Variants in IFT172 observed in about 807,000 individuals in gnomAD.
IFT172 encodes intraflagellar transport protein 172 homolog.
IFT172 carries 164 observed loss-of-function variants against 248.9 expected under a neutral mutation model. The ratio of observed to expected loss-of-function variants is 0.66; its 90% confidence interval spans 0.58 to 0.75. The LOEUF is 0.75. IFT172 is among the 30% of genes least tolerant of loss of function. IFT172 has a pLI of 0.00. For missense variants in IFT172, 1,950 were observed against 2,192.4 expected (o/e 0.89, Z 2.21); for synonymous variants, 729 against 791.6 (o/e 0.92, Z 1.33).
intron 35 of IFT172, among the ~76,000 whole-genome samples, chr2:27,450,361 C>A (rs558098418): frequency 6.6e-6 from 1 of 152,288 alleles, no homozygotes; most frequent in South Asian, 2.1e-4. Context: ...TTTGAAACTT[C>A]CGCCTTTGAC....
chr2:27,450,112 G>C lies in IFT172; in HGVS notation c.3952-16C>G. On this transcript the variant is annotated splice_polypyrimidine_tract_variant and intron_variant, in intron 35 of 47. Coordinates refer to ENST00000260570, the MANE Select transcript of IFT172 (RefSeq NM_015662.3). ...GTTCAGCTGCCTGAGTGGTTGAACA[G>C]AAGATGGAAATGGGTAGGAGAGACA... is the stretch of plus-strand genomic sequence containing the variant. The C allele has an allele frequency of 6.3e-7, 1 of 1,588,058 alleles. No individual in the cohort carries two copies. Among genetic ancestry groups the C allele is most frequent in the South Asian group, 1.1e-5 (1 of 90,482 alleles).
intron 39 of IFT172, 78 bp from the exon 40 acceptor site, chr2:27,449,109 A>T (rs2148476803): frequency 9.2e-7 from 1 of 1,092,000 alleles, no homozygotes; most frequent in Non-Finnish European, 1.4e-6. Context: ...GAGGCCATGT[A>T]TTTGTTGAGG....
At position 27,485,537 on chromosome 2, in the gene IFT172, T is replaced by C. The variant is rs759893271; in HGVS notation, c.40-34A>G. 4.3e-6 allele frequency: 7 copies of C among 1,612,424 alleles called. No individual in the cohort carries two copies. In the African/African-American group the frequency reaches 9.3e-5, roughly 22 times the overall value. ...GCAAAGGGGTAAAAACAAACCCATG[T>C]GCTGGTCTAGAATGCCAAAAGCATT... On this transcript the variant is annotated intron_variant, in intron 1 of 47. Coordinates refer to ENST00000260570, the MANE Select transcript of IFT172 (RefSeq NM_015662.3).
At chr2:27,483,545 T>G in intron 6 of IFT172, 35 bp downstream of exon 6, 2 of 1,606,564 alleles carry the variant, frequency 1.2e-6, no homozygotes, top group Non-Finnish European at 1.7e-6. Context: ...TCCTAACACT[T>G]CCAGACTCTA....
In IFT172 at chr2:27,478,155, A is replaced by T; in HGVS notation, c.1007T>A (p.Val336Glu). 1 of 1,614,056 alleles carries T rather than the reference A, an allele frequency of 6.2e-7. No individual in the cohort carries two copies. The highest frequency in any genetic ancestry group is 8.5e-7 in the Non-Finnish European group (1 of 1,179,992). The change falls in exon 11 of 48, where the codon GTG becomes GAG. Residue 336 changes from valine to glutamate, a missense_variant and splice_region_variant. Around this residue, in one of 3 missense-constraint regions of IFT172, gnomAD observed 1,166 missense variants for 1,254.1 expected, o/e 0.93. Coordinates refer to ENST00000260570, the MANE Select transcript of IFT172 (RefSeq NM_015662.3). ...TCCTGATGACAGGTTCTTCACAATC[A>T]CCTTGGTAAAGGACAAGTGTGAGCC... ...FELTYVGPSQ[V>E]IVKNLSSGTR... is the part of the protein sequence containing the mutation.
chr2:27,462,980 G>T, intron 19 of IFT172, 117 bp downstream of exon 19: 1 of 1,217,830 alleles, frequency 8.2e-7, no homozygotes, highest in South Asian at 1.3e-5. Context: ...GGGTAAAGGT[G>T]GGGTGGGCAG....
At position 27,457,730 on chromosome 2, in the gene IFT172, T is replaced by C. The variant is rs1307351360; in HGVS notation, c.3137A>G (p.Gln1046Arg). 3 of 1,614,164 alleles carry C rather than the reference T, an allele frequency of 1.9e-6. No homozygotes were observed. Among genetic ancestry groups the C allele is most frequent in the South Asian group, 2.2e-5 (2 of 91,082 alleles). Residue 1046 changes from glutamine (Q) to arginine (R), a missense_variant, in exon 29 of 48, where the codon CAG becomes CGG. Transcript: ENST00000260570. Reference sequence around the variant, plus strand: ...CTCGAGGTAGTGGTACTCAGCCTCCTGTAGTCGGCCTTCAGCCTCCAGCTC... The same window carrying C: ...CTCGAGGTAGTGGTACTCAGCCTCCCGTAGTCGGCCTTCAGCCTCCAGCTC... ...GKELEAEGRL[Q>R]EAEYHYLEAQ...
rs1666390206 is a variant in IFT172, at chr2:27,458,771, A to G, written c.2877+8T>C. 11 of 1,613,656 alleles carry G rather than the reference A, an allele frequency of 6.8e-6. No homozygotes were observed. The highest frequency in any genetic ancestry group is 9.3e-6 in the Non-Finnish European group (11 of 1,179,906). The stretch of plus-strand genomic sequence containing the variant: ...AGTTCTCTTATCATGAACTCCACCC[A>G]TCCCTACCTTGTGGGCTTGTTCCCA... On this transcript the variant is annotated splice_region_variant and intron_variant, in intron 26 of 47. Coordinates refer to ENST00000260570, the MANE Select transcript of IFT172 (RefSeq NM_015662.3).
Position 27,475,182 on chromosome 2 carries a change from C to CCAAATTATG in IFT172, c.1411+1458_1411+1459insCATAATTTG, listed in dbSNP as rs747225588. Among the ~76,000 whole-genome samples, 161 of 152,222 alleles carry CCAAATTATG rather than the reference C, an allele frequency of 1.1e-3. 1 individual carries two copies. Among genetic ancestry groups the CCAAATTATG allele is most frequent in the Non-Finnish European group, 1.9e-3 (130 of 68,026 alleles). ...GTTTAAGCCAAATTATGAAGTCAGG[C>CCAAATTATG]AATTTCAAGTATTACAGAAGATGTC... is the stretch of plus-strand genomic sequence containing the variant. On this transcript the variant is annotated intron_variant, in intron 14 of 47. Coordinates refer to ENST00000260570, the MANE Select transcript of IFT172 (RefSeq NM_015662.3).
intron 4 of IFT172, 35 bp from the exon 5 acceptor site, chr2:27,483,972 A>C: frequency 6.3e-7 from 1 of 1,589,222 alleles, no homozygotes; most frequent in South Asian, 1.1e-5. Context: ...GGATAACCCC[A>C]TCTGTGTGGG....
In IFT172 at chr2:27,484,280, G is replaced by A; in HGVS notation, c.297-14C>T. 1.2e-6 allele frequency: 2 copies of A among 1,613,636 alleles called. No homozygotes were observed. The highest frequency in any genetic ancestry group is 1.7e-6 in the Non-Finnish European group (2 of 1,179,668). On this transcript the variant is annotated splice_polypyrimidine_tract_variant and intron_variant, in intron 3 of 47. Coordinates refer to ENST00000260570, the MANE Select transcript of IFT172 (RefSeq NM_015662.3). ...TTCTTGTCACCCCTGCCAAACAAAAGAAGGGGAAACATATTAAAAACCACT... is the reference window on the plus strand; with the variant it reads ...TTCTTGTCACCCCTGCCAAACAAAAAAAGGGGAAACATATTAAAAACCACT...
In IFT172 at chr2:27,444,998, A is replaced by C. The variant is rs369150915; in HGVS notation, c.5160+16T>G. ...CTGCCCTCTCTGCCTTCATTCTCCA[A>C]GTCCTCCTCTCTAACCTTGATGGCC... On this transcript the variant is annotated intron_variant, in intron 47 of 47. Transcript: ENST00000260570. 1.9e-5 allele frequency: 31 copies of C among 1,611,992 alleles called. No individual in the cohort carries two copies. The highest frequency in any genetic ancestry group is 2.5e-5 in the Non-Finnish European group (30 of 1,179,278).
chr2:27,449,069 G>A, intron 39 of IFT172, 38 bp from the exon 40 acceptor site: 1 of 1,266,830 alleles, frequency 7.9e-7, no homozygotes, highest in Middle Eastern at 2.1e-4. Flanking sequence ...GTGAGGCTGG[G>A]ATCGGCAAGA....
At chr2:27,448,034 T>G (rs1665317039) in intron 40 of IFT172, 112 bp from the exon 41 acceptor site, 5 of 677,044 alleles carry the variant, frequency 7.4e-6, no homozygotes, top group Non-Finnish European at 1.3e-5. Context: ...AATGGGTATG[T>G]GTGTGTGTGC....
At chr2:27,453,848 C>T in intron 33 of IFT172, 109 bp from the exon 34 acceptor site, 1 of 1,374,316 alleles carries the variant, frequency 7.3e-7, no homozygotes, top group Non-Finnish European at 1.0e-6. Flanking sequence ...CTCTCTTCTC[C>T]TCCTCTTTCC....
In IFT172 at chr2:27,479,594, C is replaced by T. The variant is rs144763092; in HGVS notation, c.920G>A (p.Cys307Tyr). 2.5e-6 allele frequency: 4 copies of T among 1,608,532 alleles called. No individual in the cohort carries two copies. Among genetic ancestry groups the T allele is most frequent in the South Asian group, 1.1e-5 (1 of 90,986 alleles). ...GCAGTCAAACTGTTCCACCCCACCACATAGTGTGCCCTAGAAGGGAAAGTG... is the reference window on the plus strand; with the variant it reads ...GCAGTCAAACTGTTCCACCCCACCATATAGTGTGCCCTAGAAGGGAAAGTG... ...DGSRLCVGTL[C>Y]GGVEQFDCCL... The change falls in exon 10 of 48, where the codon TGT (cysteine) becomes TAT (tyrosine). Residue 307 changes from cysteine (C) to tyrosine (Y), a missense_variant. Cys to Tyr is a radical substitution (Grantham distance 194, BLOSUM62 -2). This residue lies in a region of IFT172 where 1,166 missense variants were observed against 1,254.1 expected (regional missense o/e 0.93). Coordinates refer to ENST00000260570, the MANE Select transcript of IFT172 (RefSeq NM_015662.3).
intron 2 of IFT172, 63 bp from the exon 3 acceptor site, chr2:27,485,193 G>T (rs144960902): frequency 1.3e-4 from 183 of 1,435,034 alleles, no homozygotes; most frequent in Non-Finnish European, 1.7e-4. Context: ...AAAGAGAAAA[G>T]AGAAAAAAAG....
In IFT172 at chr2:27,476,997, G is replaced by A; in HGVS notation, c.1325+220C>T. 5.1e-6 allele frequency: 3 copies of A among 593,530 alleles called. No individual in the cohort carries two copies. In the South Asian group the frequency reaches 6.2e-5, roughly 12 times the overall value. The allele number at this position is 593,530 out of a possible 1,614,324, so 36.8% of individuals were successfully genotyped here. ...TGCCACCATGCCTGGATAATTTTTT[G>A]TATTTTTAGTAGAGATGGGGTTTCA... On this transcript the variant is annotated intron_variant, in intron 13 of 47. Coordinates refer to ENST00000260570, the MANE Select transcript of IFT172 (RefSeq NM_015662.3).
intron 24 of IFT172, 45 bp from the exon 25 acceptor site, chr2:27,459,567 A>G: frequency 6.2e-7 from 1 of 1,609,902 alleles, no homozygotes; most frequent in Non-Finnish European, 8.5e-7. Flanking sequence ...TGAAAGATGA[A>G]GATGAATGGA....
Sources: gnomAD v4.1 joint callset for allele counts (sites outside exome capture counted in the v4.1 genomes callset) on GRCh38, gnomAD v4.1.1 for gene constraint, gnomAD v4.1.1 regional missense constraint, MANE v1.5 for transcripts, NCBI Gene and HGNC (gene_info 2026-07-23, HGNC 2026-07-21) for gene names.